The following FTCD variants were observed in gnomAD, a reference collection of about 807,000 sequenced individuals.
FTCD encodes formimidoyltransferase-cyclodeaminase.
Under a neutral mutation model 62.9 loss-of-function variants are expected in FTCD, and 76 were observed. The ratio of observed to expected loss-of-function variants is 1.21; its 90% CI spans 1.00 to 1.46. The LOEUF is 1.46. Among genes scored for constraint, FTCD ranks in the 40% most tolerant of loss-of-function variants. The probability of loss-of-function intolerance (pLI) is 0.00; values close to 1 mark genes in which losing one functional copy is unlikely to be tolerated. For synonymous variants in FTCD, 397 were observed against 336.9 expected (o/e 1.18, Z -1.95); for missense variants, 845 against 751.3 (o/e 1.12, Z -1.46).
At chr21:46,137,779 G>A (rs2078903402) in intron 12 of FTCD, among the ~76,000 whole-genome samples, 1 of 152,158 alleles carries the variant, frequency 6.6e-6, no homozygotes, top group South Asian at 2.1e-4. Context: ...AGGTCTTAGG[G>A]CAGCTGCAGA....
chr21:46,146,492 C>A, intron 7 of FTCD, 165 bp from the exon 8 acceptor site: 1 of 631,120 alleles, frequency 1.6e-6, no homozygotes. Flanking sequence ...CCCACCTCTG[C>A]CCCGCCAGGA....
Position 46,154,155 on chromosome 21 carries a change from G to A in FTCD, c.232C>T (p.His78Tyr), listed in dbSNP as rs2079372013. 6.2e-7 allele frequency: 1 copy of A among 1,612,752 alleles called. No individual in the cohort carries two copies. Among genetic ancestry groups the A allele is most frequent in the Non-Finnish European group, 8.5e-7 (1 of 1,179,914 alleles). ...VASRLIDMSR[H>Y]QGEHPRMGAL... Reference sequence around the variant, plus strand: ...GAGAGCCCAGAGACCTCACCTTGGTGCCTGCTCATGTCGATAAGTCGGGAA... The same window carrying A: ...GAGAGCCCAGAGACCTCACCTTGGTACCTGCTCATGTCGATAAGTCGGGAA... The change falls in exon 2 of 14, where the codon CAC becomes TAC. Residue 78 changes from histidine (H) to tyrosine (Y), a missense_variant. Physicochemically the swap from His to Tyr is moderately conservative, Grantham distance 83. Coordinates refer to ENST00000397746, the MANE Select transcript of FTCD (RefSeq NM_206965.2).
intron 1 of FTCD, 57 bp from the exon 2 acceptor site, chr21:46,154,389 G>C (rs2079380966): frequency 6.4e-7 from 1 of 1,554,848 alleles, no homozygotes; most frequent in Non-Finnish European, 8.7e-7. Context: ...GAAGGAAAAG[G>C]AGCTTGGAGG....
chr21:46,141,003 A>G (rs531275402), intron 10 of FTCD, among the ~76,000 whole-genome samples: 30 of 152,360 alleles, frequency 2.0e-4, no homozygotes, highest in African/African-American at 6.7e-4. Flanking sequence ...GTCCCCGCTC[A>G]TGGTTCTCTA....
intron 1 of FTCD, among the ~76,000 whole-genome samples, 159 bp from the exon 2 acceptor site, chr21:46,154,491 G>A (rs954774440): frequency 2.6e-5 from 4 of 152,158 alleles, no homozygotes; most frequent in African/African-American, 7.2e-5. Flanking sequence ...GAAAGTGCCC[G>A]CACACAGCGG....
chr21:46,137,226 G>A lies in FTCD; in HGVS notation c.1539+13C>T, dbSNP rs750720472. On this transcript the variant is annotated intron_variant, in intron 13 of 13. Transcript: ENST00000397746. ...CACGTGGGGTCCGGGCACCACACCT[G>A]CCTCCTGCTCACCTGGTCCTTAAAT... is the stretch of plus-strand genomic sequence containing the variant. 6.2e-7 allele frequency: 1 copy of A among 1,602,362 alleles called. No homozygotes were observed. The highest frequency in any genetic ancestry group is 8.5e-7 in the Non-Finnish European group (1 of 1,169,602).
At chr21:46,139,547 G>T (rs981090015) in intron 10 of FTCD, among the ~76,000 whole-genome samples, 8 of 152,204 alleles carry the variant, frequency 5.3e-5, no homozygotes, top group Non-Finnish European at 8.8e-5. Context: ...CTGGCCAAGG[G>T]GTTCTCAGTG....
Position 46,145,592 on chromosome 21 carries a change from G to C in FTCD, c.1099-14C>G, listed in dbSNP as rs200989541. ...CAGCGCCGCACCCTGCGAGAGGGGTGGATGTGGGGGTCGCAGGGACCCCAG... is the reference window on the plus strand; with the variant it reads ...CAGCGCCGCACCCTGCGAGAGGGGTCGATGTGGGGGTCGCAGGGACCCCAG... On this transcript the variant is annotated splice_polypyrimidine_tract_variant and intron_variant, in intron 9 of 13. Transcript: ENST00000397746. The C allele has an allele frequency of 2.6e-6, 4 of 1,526,658 alleles. No homozygotes were observed. The highest frequency in any genetic ancestry group is 3.6e-4 in the Middle Eastern group (2 of 5,606). The allele number at this position is 1,526,658 out of a possible 1,614,324, so 94.6% of individuals were successfully genotyped here. A position where few individuals can be genotyped will look rare whatever the true frequency, so the allele number is the denominator to read the frequency against.
intron 10 of FTCD, among the ~76,000 whole-genome samples, chr21:46,143,392 G>A (rs985089947): frequency 3.4e-5 from 5 of 147,980 alleles, no homozygotes; most frequent in Admixed American, 6.8e-5. Flanking sequence ...TCTTGTGGGC[G>A]GCAAGCCAGC....
chr21:46,136,569 C>A (rs2078871378), downstream of FTCD: 16 of 1,575,554 alleles, frequency 1.0e-5, no homozygotes, highest in South Asian at 1.5e-4. Flanking sequence ...GCACTGAACC[C>A]CAGGTCCTCT....
At chr21:46,140,134 G>A (rs1321453131) in intron 10 of FTCD, among the ~76,000 whole-genome samples, 1 of 152,158 alleles carries the variant, frequency 6.6e-6, no homozygotes. Context: ...GCATTGCTCA[G>A]AGGGAGCATA....
rs1456938073 is a variant in FTCD at position 46,153,014 on chromosome 21, G to A, written c.260C>T (p.Ala87Val). 6.5e-7 allele frequency: 1 copy of A among 1,549,504 alleles called. No homozygotes were observed. The highest frequency in any genetic ancestry group is 2.0e-5 in the Admixed American group (1 of 51,014). The change falls in exon 3 of 14, where the codon GCC becomes GTC. Residue 87 changes from alanine to valine, a missense_variant. By Grantham distance (64) the Ala-to-Val change is moderately conservative. Transcript: ENST00000397746. Reference protein sequence around the residue: ...RHQGEHPRMGALDVCPFIPVR... With the variant: ...RHQGEHPRMGVLDVCPFIPVR... ...GGGGATGAAGGGGCAGACGTCTAGG[G>A]CCCCCATGCGGGGGTGCTCTCCTGC...
chr21:46,142,983 A>C (rs1421677455), intron 10 of FTCD, among the ~76,000 whole-genome samples: 2 of 152,150 alleles, frequency 1.3e-5, no homozygotes, highest in Admixed American at 6.5e-5. Flanking sequence ...ACAAACCTTT[A>C]GCTAGACAGA....
chr21:46,145,858 G>T lies in FTCD; in HGVS notation c.1058C>A (p.Ala353Asp). Reference protein sequence around the residue: ...FVGEVGARSAAPGGGSVAAAA... With the variant: ...FVGEVGARSADPGGGSVAAAA... ...CGCCGCCACCGAGCCGCCCCCGGGG[G>T]CCGCAGAGCGGGCACCCACCTCCCC... Residue 353 changes from alanine to aspartate, a missense_variant, in exon 9 of 14, where the codon GCC becomes GAC. Ala to Asp is a moderately radical substitution (Grantham distance 126). Coordinates refer to ENST00000397746, the MANE Select transcript of FTCD (RefSeq NM_206965.2). 1 of 1,178,314 alleles carries T rather than the reference G, an allele frequency of 8.5e-7. No individual in the cohort carries two copies. Among genetic ancestry groups the T allele is most frequent in the Non-Finnish European group, 1.0e-6 (1 of 958,618 alleles). 73.0% of individuals were successfully genotyped at this position (1,178,314 alleles called of 1,614,324 possible).
intron 7 of FTCD, among the ~76,000 whole-genome samples, chr21:46,147,115 A>G (rs1420180586): frequency 1.3e-5 from 2 of 152,338 alleles, no homozygotes; most frequent in East Asian, 3.9e-4. Flanking sequence ...CCTGGGGGCA[A>G]CTGCCCCTCT....
chr21:46,138,458 C>T (rs962718994), intron 12 of FTCD, 50 bp downstream of exon 12: 3 of 1,539,928 alleles, frequency 1.9e-6, no homozygotes, highest in Non-Finnish European at 2.6e-6. Context: ...GCCCCAACAG[C>T]TGCTTCCTGC....
Position 46,137,282 on chromosome 21 carries a change from A to G in FTCD, c.1496T>C (p.Leu499Pro), listed in dbSNP as rs1445293090. Reference protein sequence around the residue: ...MGVFGAYFNVLINLRDITDEA... With the variant: ...MGVFGAYFNVPINLRDITDEA... The stretch of plus-strand genomic sequence containing the variant: ...GTCTGTGATGTCCCTCAGGTTGATG[A>G]GCACGTTGAAATATGCGCCAAACAC... The change falls in exon 13 of 14, where the codon CTC (leucine) becomes CCC (proline). Residue 499 changes from leucine to proline, a missense_variant. Coordinates refer to ENST00000397746, the MANE Select transcript of FTCD (RefSeq NM_206965.2). The G allele has an allele frequency of 1.2e-6, 2 of 1,613,718 alleles. No homozygotes were observed. The highest frequency in any genetic ancestry group is 2.7e-5 in the African/African-American group (2 of 74,898).
intron 2 of FTCD, among the ~76,000 whole-genome samples, 185 bp from the exon 3 acceptor site, chr21:46,153,220 C>T (rs1178934915): frequency 1.3e-5 from 2 of 152,224 alleles, no homozygotes; most frequent in South Asian, 2.1e-4. Context: ...GCCCCAGCGG[C>T]AGCACCAGCC....
Position 46,152,923 on chromosome 21 carries a change from C to T in FTCD, c.351G>A (p.Glu117=). The T allele has an allele frequency of 1.3e-6, 2 of 1,566,434 alleles. No individual in the cohort carries two copies. Among genetic ancestry groups the T allele is most frequent in the East Asian group, 4.7e-5 (2 of 42,894 alleles). The stretch of plus-strand genomic sequence containing the variant: ...CACGCTCACCTGGCACGTCCAGCTC[C>T]TCTGCCAGCCTCTGGCCAAAGGCCT... ...CAQAFGQRLA[E]ELDVPVYLYG... is the part of the protein sequence containing the mutation. Residue 117 remains glutamate (E), a synonymous_variant, in exon 3 of 14, where the codon GAG becomes GAA. Transcript: ENST00000397746.
Sources: gnomAD v4.1 joint callset for allele counts (sites outside exome capture counted in the v4.1 genomes callset) on GRCh38, gnomAD v4.1.1 for gene constraint, MANE v1.5 for transcripts, NCBI Gene and HGNC (gene_info 2026-07-23, HGNC 2026-07-21) for gene names.